Variants in DOCK2 observed in about 807,000 individuals in gnomAD.
DOCK2 encodes the protein dedicator of cytokinesis 2, also known as dedicator of cytokinesis protein 2.
In DOCK2, 87 loss-of-function variants were observed where a neutral mutation model predicts 248.9. The ratio of observed to expected loss-of-function variants is 0.35; its 90% CI spans 0.29 to 0.42. The LOEUF (loss-of-function observed/expected upper bound fraction) is 0.42, where lower values mean the gene tolerates loss of function less well. Ranked by LOEUF, DOCK2 falls within the 10% of genes least tolerant of loss-of-function variation. The pLI is 1.00. For missense variants in DOCK2, 1,747 were observed against 2,300.2 expected (o/e 0.76, Z 4.92); for synonymous variants, 805 against 821.6 (o/e 0.98, Z 0.35).
At chr5:169,655,544 T>A (rs1561572558) in intron 2 of DOCK2, among the ~76,000 whole-genome samples, 1 of 152,174 alleles carries the variant, frequency 6.6e-6, no homozygotes, top group Non-Finnish European at 1.5e-5. Context: ...TTATAACACA[T>A]GATCCTAGTC....
At chr5:169,869,179 A>G (rs977957219) in intron 27 of DOCK2, among the ~76,000 whole-genome samples, 6 of 152,058 alleles carry the variant, frequency 3.9e-5, no homozygotes, top group African/African-American at 1.4e-4. Context: ...GTAGCTGCGC[A>G]CCTTACCAGC....
chr5:170,018,861 C>A, intron 32 of DOCK2, 99 bp from the exon 33 acceptor site: 1 of 1,439,394 alleles, frequency 6.9e-7, no homozygotes, highest in Non-Finnish European at 9.4e-7. Context: ...ATTGTTTTTA[C>A]TATTATGCTT....
At chr5:170,014,508 C>T (rs569079635) in intron 32 of DOCK2, among the ~76,000 whole-genome samples, 1 of 152,028 alleles carries the variant, frequency 6.6e-6, no homozygotes, top group East Asian at 1.9e-4. Context: ...GGATTTTTTA[C>T]ACTTGCAGCA....
At chr5:169,643,895 G>A in intron 1 of DOCK2, among the ~76,000 whole-genome samples, 1 of 152,208 alleles carries the variant, frequency 6.6e-6, no homozygotes. Flanking sequence ...GACATGGTGG[G>A]CTGCAGCAGC....
chr5:169,774,641 A>G (rs948832109), intron 25 of DOCK2, among the ~76,000 whole-genome samples: 1 of 152,208 alleles, frequency 6.6e-6, no homozygotes. Context: ...GAGCTCACAC[A>G]TGCTGGGCAG....
chr5:169,665,372 G>T lies in DOCK2; in HGVS notation c.128-3916G>T, dbSNP rs143171683. On this transcript the variant is annotated intron_variant, in intron 2 of 51. Coordinates refer to ENST00000520908, the MANE Select transcript of DOCK2 (RefSeq NM_004946.3). ...TATAAGTATCAGCATATTTATATAT[G>T]TTTATATATAAATATGGTAGTGGGA... Among the ~76,000 whole-genome samples the T allele has an allele frequency of 6.1e-5, 9 of 148,510 alleles. No homozygotes were observed. The East Asian group carries it at 1.4e-3, about 23-fold the overall frequency.
At chr5:169,690,844 C>T (rs949863261) in intron 9 of DOCK2, among the ~76,000 whole-genome samples, 1 of 152,150 alleles carries the variant, frequency 6.6e-6, no homozygotes, top group African/African-American at 2.4e-5. Flanking sequence ...CTGCCTGGGC[C>T]ACACCTCCGC....
In DOCK2 at chr5:169,929,024, C is replaced by T. The variant is rs111640147; in HGVS notation, c.2800-54044C>T. ...GCTATGTGTTCTGTTCATCTTTGTGCCCTGAGAAGAGCAGATGGAAAGCTT... is the reference window on the plus strand; with the variant it reads ...GCTATGTGTTCTGTTCATCTTTGTGTCCTGAGAAGAGCAGATGGAAAGCTT... On this transcript the variant is annotated intron_variant, in intron 27 of 51. Coordinates refer to ENST00000520908, the MANE Select transcript of DOCK2 (RefSeq NM_004946.3). 7.9e-5 allele frequency among the ~76,000 whole-genome samples: 12 copies of T among 152,268 alleles called. No individual in the cohort carries two copies. In the South Asian group the frequency reaches 2.3e-3, roughly 29 times the overall value.
chr5:169,984,313 T>C (rs547626311), intron 28 of DOCK2, among the ~76,000 whole-genome samples: 2 of 152,290 alleles, frequency 1.3e-5, no homozygotes, highest in African/African-American at 4.8e-5. Flanking sequence ...GTGCCTGTGA[T>C]GATATCCACA....
At chr5:169,933,551 G>T (rs374642451) in intron 27 of DOCK2, among the ~76,000 whole-genome samples, 4 of 152,296 alleles carry the variant, frequency 2.6e-5, no homozygotes, top group South Asian at 4.1e-4. Flanking sequence ...GGGGAAGGAG[G>T]CTGCTTATTT....
chr5:169,817,489 C>T (rs1181884294), intron 26 of DOCK2, among the ~76,000 whole-genome samples: 2 of 152,230 alleles, frequency 1.3e-5, no homozygotes, highest in Admixed American at 6.5e-5. Context: ...AGCACTTGGC[C>T]TCAGTGGTCT....
At position 169,684,246 on chromosome 5, in the gene DOCK2, C is replaced by G. The variant is rs34039776; in HGVS notation, c.657C>G (p.Pro219=). 3.8e-5 allele frequency: 62 copies of G among 1,614,202 alleles called. No homozygotes were observed. In the African/African-American group the frequency reaches 7.5e-4, roughly 19 times the overall value. ...TGTATTCCCGGATCTCCTCATCCCC[C>G]ACCCATAGCCTCTATGTGTTTGTGA... ...YAMYSRISSS[P]THSLYVFVRN... The change falls in exon 8 of 52, where the codon CCC becomes CCG. Residue 219 remains proline, a synonymous_variant. Coordinates refer to ENST00000520908, the MANE Select transcript of DOCK2 (RefSeq NM_004946.3).
chr5:169,945,298 G>A (rs149560437), intron 27 of DOCK2, among the ~76,000 whole-genome samples: 13 of 152,222 alleles, frequency 8.5e-5, no homozygotes, highest in Admixed American at 6.5e-5. Flanking sequence ...GGCATATACC[G>A]AGTGGTAGTT....
chr5:169,770,434 A>G (rs1765022001), intron 25 of DOCK2, among the ~76,000 whole-genome samples: 1 of 151,750 alleles, frequency 6.6e-6, no homozygotes, highest in Admixed American at 6.6e-5. Context: ...AGTTAGGACT[A>G]CAGGGACATA....
intron 9 of DOCK2, among the ~76,000 whole-genome samples, chr5:169,691,604 G>A (rs560820834): frequency 2.7e-4 from 41 of 152,322 alleles, no homozygotes; most frequent in Admixed American, 4.6e-4. Flanking sequence ...GTGATGGTAT[G>A]TGACTGGAAG....
chr5:169,715,192 G>A (rs534218245), intron 19 of DOCK2, among the ~76,000 whole-genome samples: 10 of 152,288 alleles, frequency 6.6e-5, no homozygotes, highest in South Asian at 2.1e-4. Flanking sequence ...AATAGAAAGC[G>A]TCTGAAGTGC....
At chr5:169,670,946 C>T in intron 4 of DOCK2, 132 bp from the exon 5 acceptor site, 2 of 679,312 alleles carry the variant, frequency 2.9e-6, no homozygotes, top group Non-Finnish European at 5.1e-6. Flanking sequence ...GTTGGTGTGG[C>T]TATTGGAGGT....
chr5:170,075,113 C>A (rs1399452869), intron 46 of DOCK2, among the ~76,000 whole-genome samples: 1 of 152,210 alleles, frequency 6.6e-6, no homozygotes, highest in Non-Finnish European at 1.5e-5. Flanking sequence ...GCAGAAATAT[C>A]TTTATGTCAC....
At chr5:170,031,946 G>T (rs1456771941) in intron 34 of DOCK2, among the ~76,000 whole-genome samples, 1 of 152,252 alleles carries the variant, frequency 6.6e-6, no homozygotes, top group African/African-American at 2.4e-5. Flanking sequence ...CAGATGTGAT[G>T]AATCAGAATC....
Sources: gnomAD v4.1 joint callset for allele counts (sites outside exome capture counted in the v4.1 genomes callset) on GRCh38, gnomAD v4.1.1 for gene constraint, MANE v1.5 for transcripts, NCBI Gene and HGNC (gene_info 2026-07-23, HGNC 2026-07-21) for gene names.